The following KIRREL1 variants were observed in gnomAD, a reference collection of about 807,000 sequenced individuals.
The protein encoded by KIRREL1 is kirre like nephrin family adhesion molecule 1, also known as kin of IRRE-like protein 1.
In KIRREL1, 25 loss-of-function variants were observed where a neutral mutation model predicts 83.3. The observed-to-expected ratio is 0.30, with a 90% CI of 0.22 to 0.42. The LOEUF (loss-of-function observed/expected upper bound fraction) is 0.42. Among genes scored for constraint, KIRREL1 ranks in the 10% least tolerant of loss-of-function variants. KIRREL1 has a pLI of 1.00. For missense variants in KIRREL1, 812 were observed against 1,032.3 expected (o/e 0.79, Z 2.92); for synonymous variants, 388 against 410.4 (o/e 0.95, Z 0.66).
At chr1:158,019,017 G>A (rs1557990751) in intron 1 of KIRREL1, among the ~76,000 whole-genome samples, 1 of 152,130 alleles carries the variant, frequency 6.6e-6, no homozygotes, top group Non-Finnish European at 1.5e-5. Flanking sequence ...TCCTGTTCCC[G>A]TTTCTCTGGC....
intron 1 of KIRREL1, among the ~76,000 whole-genome samples, chr1:158,027,716 C>T (rs1171903516): frequency 6.6e-6 from 1 of 152,200 alleles, no homozygotes; most frequent in Non-Finnish European, 1.5e-5. Context: ...GGATAATACA[C>T]AGGTGTGTGG....
chr1:158,038,784 TTGCCCACTA>T (rs1660544965), intron 1 of KIRREL1, among the ~76,000 whole-genome samples: 1 of 152,224 alleles, frequency 6.6e-6, no homozygotes, highest in African/African-American at 2.4e-5. Context: ...AACAGTAGAC[TTGCCCACTA>T]GGGGCTTTGT....
chr1:157,993,805 C>G (rs1358219178), intron 1 of KIRREL1, 77 bp downstream of exon 1: 3 of 978,838 alleles, frequency 3.1e-6, no homozygotes, highest in Non-Finnish European at 4.3e-6. Context: ...TGGGAGAGTG[C>G]TGGAGTGCCC....
chr1:158,023,940 A>ATTG (rs888491087), intron 1 of KIRREL1, among the ~76,000 whole-genome samples: 17 of 151,952 alleles, frequency 1.1e-4, no homozygotes, highest in Admixed American at 1.1e-3. Context: ...CAGGGTTTTT[A>ATTG]TTGTTGTTGT....
intron 1 of KIRREL1, among the ~76,000 whole-genome samples, chr1:158,074,752 A>G (rs1661628287): frequency 6.6e-6 from 1 of 152,098 alleles, no homozygotes; most frequent in South Asian, 2.1e-4. Flanking sequence ...AAGGAAGGGG[A>G]TGAGACTAGG....
In KIRREL1 at chr1:158,095,964, C is replaced by G. The variant is rs1045779179; in HGVS notation, c.*844C>G. The G allele has an allele frequency of 6.4e-6, 1 of 155,756 alleles. No individual in the cohort carries two copies. The highest frequency in any genetic ancestry group is 2.4e-5 in the African/African-American group (1 of 41,464). 9.6% of individuals were successfully genotyped at this position (155,756 alleles called of 1,614,324 possible). ...GGGAGCCACACAAGCCTCCTCTCCC[C>G]AGTCTGCCCCACTTCCTGGCTTTAA... On this transcript the variant is annotated 3_prime_UTR_variant, in exon 15 of 15. Transcript: ENST00000359209.
intron 1 of KIRREL1, among the ~76,000 whole-genome samples, chr1:157,999,296 A>G (rs893746525): frequency 2.6e-5 from 4 of 152,148 alleles, no homozygotes; most frequent in Admixed American, 2.0e-4. Context: ...TGTCAGAAGG[A>G]GGTTTGGAAA....
chr1:158,034,072 G>T (rs1379823669), intron 1 of KIRREL1, among the ~76,000 whole-genome samples: 9 of 151,744 alleles, frequency 5.9e-5, no homozygotes, highest in Admixed American at 1.3e-4. Context: ...AGGAAATCGA[G>T]ACCATCTGGA....
chr1:158,091,027 A>G (rs1413380792), intron 10 of KIRREL1, among the ~76,000 whole-genome samples: 1 of 152,168 alleles, frequency 6.6e-6, no homozygotes, highest in African/African-American at 2.4e-5. Context: ...ATCACATGGG[A>G]TCATGATGAA....
intron 1 of KIRREL1, among the ~76,000 whole-genome samples, chr1:158,027,970 C>T (rs1660218796): frequency 6.6e-6 from 1 of 152,090 alleles, no homozygotes; most frequent in African/African-American, 2.4e-5. Context: ...GAGACCACTT[C>T]AAAAAAGACC....
chr1:158,095,339 G>C lies in KIRREL1; in HGVS notation c.*219G>C. On this transcript the variant is annotated 3_prime_UTR_variant, in exon 15 of 15. Coordinates refer to ENST00000359209, the MANE Select transcript of KIRREL1 (RefSeq NM_018240.7). ...TGGGCCTGCCCTTCCCTCTTCTTCGGGAGGATGTGTCTCTTCTGACCTGCA... is the reference window on the plus strand; with the variant it reads ...TGGGCCTGCCCTTCCCTCTTCTTCGCGAGGATGTGTCTCTTCTGACCTGCA... 1 of 531,726 alleles carries C rather than the reference G, an allele frequency of 1.9e-6. No individual in the cohort carries two copies. The highest frequency in any genetic ancestry group is 3.3e-6 in the Non-Finnish European group (1 of 300,222). The allele number at this position is 531,726 out of a possible 1,614,324, so 32.9% of individuals were successfully genotyped here. A position where few individuals can be genotyped will look rare whatever the true frequency, so the allele number is the denominator to read the frequency against.
chr1:158,060,810 C>G (rs1479149722), intron 1 of KIRREL1, among the ~76,000 whole-genome samples: 1 of 152,184 alleles, frequency 6.6e-6, no homozygotes, highest in Non-Finnish European at 1.5e-5. Context: ...TCCTTCCGCT[C>G]TCATCTTATT....
chr1:158,022,913 A>C (rs1660042673), intron 1 of KIRREL1, among the ~76,000 whole-genome samples: 1 of 152,142 alleles, frequency 6.6e-6, no homozygotes, highest in South Asian at 2.1e-4. Context: ...TCTGGGTGCA[A>C]ATGAAGAGAG....
chr1:158,077,381 G>A (rs1661709348), intron 2 of KIRREL1, among the ~76,000 whole-genome samples: 3 of 152,188 alleles, frequency 2.0e-5, no homozygotes, highest in Admixed American at 2.0e-4. Flanking sequence ...GGAGCTGATG[G>A]TGGGAATGTG....
chr1:158,049,328 G>A (rs1660854455), intron 1 of KIRREL1, among the ~76,000 whole-genome samples: 1 of 152,218 alleles, frequency 6.6e-6, no homozygotes, highest in African/African-American at 2.4e-5. Context: ...TCAGACTGAG[G>A]GTTTAAGGGA....
chr1:158,052,785 C>CA (rs573590222), intron 1 of KIRREL1, among the ~76,000 whole-genome samples: 412 of 150,744 alleles, frequency 2.7e-3, no homozygotes, highest in Non-Finnish European at 4.7e-3. Context: ...GATTCCATTT[C>CA]AAAAAAAAAG....
chr1:158,002,997 G>A (rs1659410477), intron 1 of KIRREL1, among the ~76,000 whole-genome samples: 1 of 152,056 alleles, frequency 6.6e-6, no homozygotes, highest in African/African-American at 2.4e-5. Context: ...GTCCAGTTCC[G>A]TACTCTCCAC....
chr1:158,014,464 C>A lies in KIRREL1; in HGVS notation c.52+20736C>A, dbSNP rs551626128. Among the ~76,000 whole-genome samples, 6 of 152,276 alleles carry A rather than the reference C, an allele frequency of 3.9e-5. No homozygotes were observed. In the East Asian group the frequency reaches 1.2e-3, roughly 29 times the overall value. ...CATTGTCCGGGACTCTGCCTGAGAT[C>A]CTAGCCTCCTTCCCGTCTTGCCTTC... On this transcript the variant is annotated intron_variant, in intron 1 of 14. Transcript: ENST00000359209.
At chr1:158,074,057 A>T (rs894550158) in intron 1 of KIRREL1, among the ~76,000 whole-genome samples, 1 of 152,216 alleles carries the variant, frequency 6.6e-6, no homozygotes, top group African/African-American at 2.4e-5. Flanking sequence ...GCGCAAGGAT[A>T]TGAATAAATT....
Sources: allele counts gnomAD v4.1 joint callset (sites outside exome capture counted in the v4.1 genomes callset), GRCh38; gene constraint gnomAD v4.1.1; transcripts MANE v1.5; gene names NCBI Gene and HGNC (gene_info 2026-07-23, HGNC 2026-07-21).